COL27A1: variants seen among roughly 807,000 people sequenced by gnomAD.
The protein encoded by COL27A1 is collagen type XXVII alpha 1 chain.
Under a neutral mutation model 251.3 loss-of-function variants are expected in COL27A1, and 106 were observed. The ratio of observed to expected loss-of-function variants is 0.42; its 90% CI spans 0.36 to 0.50. COL27A1 has a LOEUF of 0.50. Among genes scored for constraint, COL27A1 ranks in the 20% least tolerant of loss-of-function variants. The pLI is 0.00. For missense variants in COL27A1, 2,325 were observed against 2,522.8 expected, an observed-to-expected ratio of 0.92 and a Z score of 1.68; for synonymous variants, 1,000 against 986.3, an observed-to-expected ratio of 1.01 and a Z score of -0.26.
chr9:114,288,469 G>T lies in COL27A1; in HGVS notation c.4002G>T (p.Glu1334Asp). The T allele has an allele frequency of 6.2e-7, 1 of 1,610,350 alleles. No individual in the cohort carries two copies. Among genetic ancestry groups the T allele is most frequent in the Non-Finnish European group, 8.5e-7 (1 of 1,179,012 alleles). ...GPKGEKGEQG[E>D]DGKAEGPPGP... ...TGTGTCCACAGGGGGAGCAGGGCGA[G>T]GACGGCAAGGCTGAGGGGCCCCCTG... Residue 1334 changes from glutamate (E) to aspartate (D), a missense_variant, in exon 42 of 61, where the codon GAG becomes GAT. By Grantham distance (45) the Glu-to-Asp change is conservative. Transcript: ENST00000356083.
rs762965787 is a variant in COL27A1 at position 114,282,562 on chromosome 9, A to G, written c.3877A>G (p.Thr1293Ala). 1 of 1,507,754 alleles carries G rather than the reference A, an allele frequency of 6.6e-7. No individual in the cohort carries two copies. Among genetic ancestry groups the G allele is most frequent in the Non-Finnish European group, 8.9e-7 (1 of 1,129,286 alleles). 93.4% of individuals were successfully genotyped at this position (1,507,754 alleles called of 1,614,324 possible). A position where few individuals can be genotyped will look rare whatever the true frequency, so the allele number is the denominator to read the frequency against. Residue 1293 changes from threonine (T) to alanine (A), a missense_variant and splice_region_variant, in exon 39 of 61, where the codon ACG becomes GCG. Physicochemically the swap from Thr to Ala is moderately conservative, Grantham distance 58 (BLOSUM62 0). This residue lies in a region of COL27A1 where 662 missense variants were observed against 795.3 expected (regional missense o/e 0.83). Coordinates refer to ENST00000356083, the MANE Select transcript of COL27A1 (RefSeq NM_032888.4). Reference sequence around the variant, plus strand: ...AGGGTCCCGGGGCAGCCTGGGACCAACGGTGAGGACTCTCTGGCTGGGGTG... The same window carrying G: ...AGGGTCCCGGGGCAGCCTGGGACCAGCGGTGAGGACTCTCTGGCTGGGGTG... ...PKGSRGSLGP[T>A]GAPGRMGAQG...
At chr9:114,238,829 G>A (rs72762638) in intron 19 of COL27A1, among the ~76,000 whole-genome samples, 106 of 152,276 alleles carry the variant, frequency 7.0e-4, no homozygotes, top group Admixed American at 1.8e-3. Context: ...CAGTGTCCTC[G>A]AGATGAGAAC....
At chr9:114,198,794 C>T (rs1255895290) in intron 7 of COL27A1, among the ~76,000 whole-genome samples, 1 of 152,174 alleles carries the variant, frequency 6.6e-6, no homozygotes, top group Non-Finnish European at 1.5e-5. Context: ...ACACGCAAAC[C>T]AGGTCAGATA....
chr9:114,306,378 A>C, intron 57 of COL27A1, 142 bp from the exon 58 acceptor site: 1 of 758,594 alleles, frequency 1.3e-6, no homozygotes, highest in Non-Finnish European at 2.1e-6. Flanking sequence ...CTGCAAAATA[A>C]AGAGAAACCC....
chr9:114,253,377 GAAAGAAAGAA>G (rs1165057483), intron 27 of COL27A1, among the ~76,000 whole-genome samples: 131 of 93,962 alleles, frequency 1.4e-3, no homozygotes, highest in African/African-American at 6.0e-3. Context: ...AAAGACGAAA[GAAAGAAAGAA>G]AAAAGAAAGA....
At chr9:114,215,713 G>GT (rs33925033) in intron 12 of COL27A1, among the ~76,000 whole-genome samples, 2,052 of 152,244 alleles carry the variant, frequency 0.013, 48 homozygotes, top group African/African-American at 0.046. Context: ...TGTCCACCTG[G>GT]TAAGAAGTTC....
At chr9:114,306,437 T>G in intron 57 of COL27A1, 83 bp from the exon 58 acceptor site, 2 of 1,400,872 alleles carry the variant, frequency 1.4e-6, no homozygotes, top group Non-Finnish European at 2.0e-6. Context: ...TCCCAGGTTG[T>G]GAGAACTGGG....
Position 114,194,452 on chromosome 9 carries a change from G to C in COL27A1, c.2065G>C (p.Ala689Pro), listed in dbSNP as rs763568407. ...GLSPGKAHDG[A>P]KGDMGLPGLS... ...CTCACCAGGAAAGGCCCACGATGGG[G>C]CAAAGGTAGGTTTCCAGGGACCCCA... The change falls in exon 6 of 61, where the codon GCA becomes CCA. Residue 689 changes from alanine to proline, a missense_variant. By Grantham distance (27) the Ala-to-Pro change is conservative. Around this residue, in one of 4 missense-constraint regions of COL27A1, gnomAD observed 1,183 missense variants for 1,144.1 expected, o/e 1.03. Coordinates refer to ENST00000356083, the MANE Select transcript of COL27A1 (RefSeq NM_032888.4). 1 of 1,612,416 alleles carries C rather than the reference G, an allele frequency of 6.2e-7. No individual in the cohort carries two copies. Among genetic ancestry groups the C allele is most frequent in the African/African-American group, 1.3e-5 (1 of 74,862 alleles).
intron 23 of COL27A1, among the ~76,000 whole-genome samples, chr9:114,244,582 C>T (rs1355666356): frequency 2.6e-5 from 4 of 152,102 alleles, no homozygotes; most frequent in Admixed American, 6.5e-5. Flanking sequence ...CCAGGGGGAG[C>T]GCAGGTCATC....
intron 5 of COL27A1, among the ~76,000 whole-genome samples, chr9:114,190,427 C>T (rs1378432381): frequency 6.6e-6 from 1 of 152,208 alleles, no homozygotes; most frequent in East Asian, 1.9e-4. Context: ...TGCACCACCA[C>T]ACCCAGCTAA....
At chr9:114,274,657 T>C (rs992501393) in intron 36 of COL27A1, among the ~76,000 whole-genome samples, 3 of 152,176 alleles carry the variant, frequency 2.0e-5, no homozygotes, top group African/African-American at 7.2e-5. Context: ...ACGTTCACCA[T>C]AGAGCAAAGC....
Position 114,258,593 on chromosome 9 carries a change from G to A in COL27A1, c.3194G>A (p.Arg1065Gln), listed in dbSNP as rs778824714. 8 of 1,613,944 alleles carry A rather than the reference G, an allele frequency of 5.0e-6. No individual in the cohort carries two copies. Among genetic ancestry groups the A allele is most frequent in the African/African-American group, 1.3e-5 (1 of 75,064 alleles). Reference protein sequence around the residue: ...PPGMRGAKGRRGPRGPDGPAG... With the variant: ...PPGMRGAKGRQGPRGPDGPAG... The stretch of plus-strand genomic sequence containing the variant: ...GGCATGAGGGGAGCAAAGGGACGTC[G>A]GGTAAGTCGAGCCCAGCTCCTGGGG... The change falls in exon 28 of 61, where the codon CGG (arginine) becomes CAG (glutamine). Residue 1065 changes from arginine (R) to glutamine (Q), a missense_variant and splice_region_variant. Around this residue, in one of 4 missense-constraint regions of COL27A1, gnomAD observed 662 missense variants for 795.3 expected, o/e 0.83. Transcript: ENST00000356083.
At chr9:114,257,578 G>T (rs1044749532) in intron 27 of COL27A1, among the ~76,000 whole-genome samples, 1 of 151,324 alleles carries the variant, frequency 6.6e-6, no homozygotes, top group Non-Finnish European at 1.5e-5. Context: ...CCCTCTTGTC[G>T]TCTGTTCATC....
rs369818946 is a variant in COL27A1 at position 114,199,868 on chromosome 9, C to G, written c.2124+3856C>G. Reference sequence around the variant, plus strand: ...CACGAATTGATCTTTCTGGCCAAGTCCTGACACAGCCCCTGAATCTTTCTT... The same window carrying G: ...CACGAATTGATCTTTCTGGCCAAGTGCTGACACAGCCCCTGAATCTTTCTT... On this transcript the variant is annotated intron_variant, in intron 7 of 60. Coordinates refer to ENST00000356083, the MANE Select transcript of COL27A1 (RefSeq NM_032888.4). Among the ~76,000 whole-genome samples the G allele has an allele frequency of 1.9e-4, 29 of 152,338 alleles. No homozygotes were observed. In the East Asian group the frequency reaches 5.4e-3, roughly 28 times the overall value.
rs112047520 is a variant in COL27A1 at position 114,166,444 on chromosome 9, TATCCATCCATCC to T, written c.134-1217_134-1206del. Among the ~76,000 whole-genome samples, 5 of 140,858 alleles carry T rather than the reference TATCCATCCATCC, an allele frequency of 3.5e-5. No homozygotes were observed. In the South Asian group the frequency reaches 9.1e-4, roughly 26 times the overall value. The allele number at this position is 140,858 out of a possible 152,430, so 92.4% of individuals were successfully genotyped here. On this transcript the variant is annotated intron_variant, in intron 2 of 60. Coordinates refer to ENST00000356083, the MANE Select transcript of COL27A1 (RefSeq NM_032888.4). The stretch of plus-strand genomic sequence containing the variant: ...CCATTCATCCATCCATCCATTCATC[TATCCATCCATCC>T]ATCCATCCATCCATCCATCCATCCA...
At chr9:114,243,429 C>A in intron 22 of COL27A1, 78 bp from the exon 23 acceptor site, 2 of 1,208,826 alleles carry the variant, frequency 1.7e-6, no homozygotes, top group Non-Finnish European at 2.4e-6. Flanking sequence ...ATACCCTGTG[C>A]CAGGCCCTTG....
chr9:114,276,026 C>T (rs1406945210), intron 37 of COL27A1, among the ~76,000 whole-genome samples: 1 of 151,668 alleles, frequency 6.6e-6, no homozygotes, highest in Admixed American at 6.6e-5. Flanking sequence ...TCTCATCCAT[C>T]CCCCATATCC....
intron 27 of COL27A1, among the ~76,000 whole-genome samples, chr9:114,256,491 TCAA>T (rs1777988110): frequency 6.6e-6 from 1 of 152,136 alleles, no homozygotes; most frequent in Admixed American, 6.5e-5. Context: ...AGACTCCATC[TCAA>T]CAAAAAAAGA....
chr9:114,242,228 G>A lies in COL27A1; in HGVS notation c.2877G>A (p.Leu959=), dbSNP rs761767872. The A allele has an allele frequency of 4.0e-5, 65 of 1,610,394 alleles. No individual in the cohort carries two copies. The highest frequency in any genetic ancestry group is 1.7e-4 in the Middle Eastern group (1 of 6,048). ...GPMGPPGAPG[L]EGQPGRKGFP... ...TGGGGCCGCCAGGGGCCCCTGGCTTGGAGGTGAGTGTCACTGGCCTGGGGT... is the reference window on the plus strand; with the variant it reads ...TGGGGCCGCCAGGGGCCCCTGGCTTAGAGGTGAGTGTCACTGGCCTGGGGT... The change falls in exon 22 of 61, where the codon TTG becomes TTA. Residue 959 remains leucine (L), a synonymous_variant. Transcript: ENST00000356083.
Sources: allele counts gnomAD v4.1 joint callset (sites outside exome capture counted in the v4.1 genomes callset), GRCh38; gene constraint gnomAD v4.1.1; regional missense constraint gnomAD v4.1.1; transcripts MANE v1.5; gene names NCBI Gene and HGNC (gene_info 2026-07-23, HGNC 2026-07-21).